Variants in CPA6 observed in about 807,000 individuals in gnomAD.
CPA6 encodes carboxypeptidase B.
A neutral mutation model predicts 63.3 loss-of-function variants in CPA6; 58 were observed. That is an observed-to-expected ratio of 0.92 (90% confidence interval 0.74 to 1.14). The LOEUF is 1.14. CPA6 is among the 50% of genes most tolerant of loss of function. The probability of loss-of-function intolerance (pLI) is 0.00; values close to 1 mark genes in which losing one functional copy is unlikely to be tolerated. For synonymous variants in CPA6, 185 were observed against 179.0 expected (o/e 1.03, Z -0.27); for missense variants, 565 against 526.6 (o/e 1.07, Z -0.71).
At chr8:67,577,965 T>C (rs1033932333) in intron 2 of CPA6, among the ~76,000 whole-genome samples, 1 of 152,204 alleles carries the variant, frequency 6.6e-6, no homozygotes, top group African/African-American at 2.4e-5. Flanking sequence ...TTAGCAAACA[T>C]TGTCTATAAA....
chr8:67,731,810 T>G (rs1231936000), intron 1 of CPA6, among the ~76,000 whole-genome samples: 2 of 152,208 alleles, frequency 1.3e-5, no homozygotes, highest in Non-Finnish European at 2.9e-5. Context: ...AATAAAGTTC[T>G]GAAAGATACA....
chr8:67,655,174 T>A (rs1426713731), intron 1 of CPA6, among the ~76,000 whole-genome samples: 1 of 152,180 alleles, frequency 6.6e-6, no homozygotes, highest in Non-Finnish European at 1.5e-5. Flanking sequence ...TCTTACTGAA[T>A]CCTTGATACA....
At chr8:67,591,824 A>G (rs995929098) in intron 2 of CPA6, among the ~76,000 whole-genome samples, 4 of 152,204 alleles carry the variant, frequency 2.6e-5, no homozygotes, top group African/African-American at 9.7e-5. Flanking sequence ...CTATCATGTC[A>G]TCTGCAAACA....
chr8:67,736,871 C>T (rs527304627), intron 1 of CPA6, among the ~76,000 whole-genome samples: 18 of 152,200 alleles, frequency 1.2e-4, no homozygotes, highest in East Asian at 7.7e-4. Flanking sequence ...ATTCAATTTA[C>T]GCTATTCCCT....
At chr8:67,720,540 C>G (rs1160792734) in intron 1 of CPA6, among the ~76,000 whole-genome samples, 1 of 151,688 alleles carries the variant, frequency 6.6e-6, no homozygotes, top group Non-Finnish European at 1.5e-5. Flanking sequence ...TCCGAACTGT[C>G]ACCTAAGCAT....
chr8:67,729,825 C>A (rs1331555715), intron 1 of CPA6, among the ~76,000 whole-genome samples: 1 of 152,168 alleles, frequency 6.6e-6, no homozygotes, highest in Non-Finnish European at 1.5e-5. Flanking sequence ...ACTGCCCAAG[C>A]AAAACAGCTG....
chr8:67,627,292 T>A (rs973472956), intron 1 of CPA6, among the ~76,000 whole-genome samples: 2 of 152,174 alleles, frequency 1.3e-5, no homozygotes, highest in Admixed American at 1.3e-4. Context: ...CTAAATCTGA[T>A]AGCTAGTGTT....
At chr8:67,741,772 T>C (rs1817917712) in intron 1 of CPA6, among the ~76,000 whole-genome samples, 1 of 152,208 alleles carries the variant, frequency 6.6e-6, no homozygotes, top group Non-Finnish European at 1.5e-5. Flanking sequence ...CTTCCACTGA[T>C]TCTTTGTTAT....
intron 1 of CPA6, among the ~76,000 whole-genome samples, chr8:67,664,725 G>T (rs1368589509): frequency 6.6e-6 from 1 of 152,094 alleles, no homozygotes; most frequent in African/African-American, 2.4e-5. Context: ...CAATGGAAAA[G>T]GTACACTTTG....
At chr8:67,428,233 T>C (rs929668547) in intron 9 of CPA6, 102 bp from the exon 10 acceptor site, 1 of 641,056 alleles carries the variant, frequency 1.6e-6, no homozygotes, top group Admixed American at 2.8e-5. Context: ...GATGGCTTCA[T>C]TGGTTAAGAT....
At chr8:67,503,468 A>T (rs903823655) in intron 6 of CPA6, among the ~76,000 whole-genome samples, 6 of 126,018 alleles carry the variant, frequency 4.8e-5, no homozygotes, top group East Asian at 2.3e-4. Flanking sequence ...AGCTAATTAA[A>T]TTTTTTTTTT....
intron 1 of CPA6, among the ~76,000 whole-genome samples, chr8:67,625,883 G>A (rs1457665513): frequency 2.0e-5 from 3 of 152,138 alleles, no homozygotes; most frequent in Non-Finnish European, 4.4e-5. Context: ...GATTTGGATT[G>A]TGTCCCCACC....
rs528269238 is a variant in CPA6, at chr8:67,432,915, C to G, written c.1041+1123G>C. On this transcript the variant is annotated intron_variant, in intron 9 of 10. Transcript: ENST00000297770. Reference sequence around the variant, plus strand: ...ACAGGAATGTGGTTAACTTGGGAACCCCCTACTTGCTACTGGTGTCTGAAG... The same window carrying G: ...ACAGGAATGTGGTTAACTTGGGAACGCCCTACTTGCTACTGGTGTCTGAAG... Among the ~76,000 whole-genome samples the G allele has an allele frequency of 3.3e-5, 5 of 152,254 alleles. No homozygotes were observed. In the East Asian group the frequency reaches 9.6e-4, roughly 29 times the overall value.
chr8:67,724,796 ACT>A, intron 1 of CPA6, among the ~76,000 whole-genome samples: 1 of 152,104 alleles, frequency 6.6e-6, no homozygotes. Flanking sequence ...CAAGCTGGAG[ACT>A]CTCAACAGCT....
chr8:67,587,641 C>T (rs1337605276), intron 2 of CPA6, among the ~76,000 whole-genome samples: 1 of 152,122 alleles, frequency 6.6e-6, no homozygotes, highest in Middle Eastern at 3.4e-3. Flanking sequence ...AATCACATGG[C>T]CAGGCCAGAT....
At chr8:67,707,635 G>A (rs1203422822) in intron 1 of CPA6, among the ~76,000 whole-genome samples, 2 of 152,214 alleles carry the variant, frequency 1.3e-5, no homozygotes, top group Non-Finnish European at 2.9e-5. Context: ...AAGGCTGGGT[G>A]TGGTGGCTCA....
rs762556121 is a variant in CPA6 at position 67,511,651 on chromosome 8, G to C, written c.322C>G (p.Leu108Val). The change falls in exon 4 of 11, where the codon CTC becomes GTC. Residue 108 changes from leucine to valine, a missense_variant. By Grantham distance (32) the Leu-to-Val change is conservative. Coordinates refer to ENST00000297770, the MANE Select transcript of CPA6 (RefSeq NM_020361.5). ...LQEANIQYKV[L>V]IEDLQKTLEK... Reference sequence around the variant, plus strand: ...AGTGTTTTCTGAAGATCTTCTATGAGGACCCTGAATTTGGAATGACAGACA... The same window carrying C: ...AGTGTTTTCTGAAGATCTTCTATGACGACCCTGAATTTGGAATGACAGACA... 6.3e-7 allele frequency: 1 copy of C among 1,587,026 alleles called. No homozygotes were observed. The highest frequency in any genetic ancestry group is 8.7e-7 in the Non-Finnish European group (1 of 1,155,882).
chr8:67,522,477 G>T (rs1208072851), intron 2 of CPA6, among the ~76,000 whole-genome samples: 2 of 152,210 alleles, frequency 1.3e-5, no homozygotes, highest in Non-Finnish European at 2.9e-5. Context: ...AGAAAAAACT[G>T]CTGGGTGTTA....
chr8:67,574,378 A>C (rs77191044), intron 2 of CPA6, among the ~76,000 whole-genome samples: 1 of 128,578 alleles, frequency 7.8e-6, no homozygotes, highest in Non-Finnish European at 1.6e-5. Flanking sequence ...CTCTGTCTCA[A>C]AAAAAAAAAA....
Sources: allele counts gnomAD v4.1 joint callset (sites outside exome capture counted in the v4.1 genomes callset), GRCh38; gene constraint gnomAD v4.1.1; transcripts MANE v1.5; gene names NCBI Gene and HGNC (gene_info 2026-07-23, HGNC 2026-07-21).